The following GPR158 variants were observed in gnomAD, a reference collection of about 807,000 sequenced individuals.
GPR158 encodes the protein metabotropic glycine receptor.
Under a neutral mutation model 78.2 loss-of-function variants are expected in GPR158, and 30 were observed. The observed-to-expected ratio is 0.38, with a 90% CI of 0.29 to 0.52. The LOEUF (loss-of-function observed/expected upper bound fraction) is 0.52. Among genes scored for constraint, GPR158 ranks in the 20% least tolerant of loss-of-function variants. GPR158 has a pLI of 0.83. For synonymous variants in GPR158, 581 were observed against 591.1 expected (o/e 0.98, Z 0.25); for missense variants, 1,463 against 1,523.5 (o/e 0.96, Z 0.66).
chr10:25,394,068 C>T (rs1834337527), intron 2 of GPR158, among the ~76,000 whole-genome samples: 1 of 152,198 alleles, frequency 6.6e-6, no homozygotes, highest in South Asian at 2.1e-4. Context: ...AACTTCTGAT[C>T]TTTTCCCTAA....
At chr10:25,512,727 G>A (rs1836101709) in intron 5 of GPR158, among the ~76,000 whole-genome samples, 1 of 147,088 alleles carries the variant, frequency 6.8e-6, no homozygotes, top group Admixed American at 6.6e-5. Context: ...TTTGCTGAGA[G>A]TTTTAATCAT....
intron 2 of GPR158, among the ~76,000 whole-genome samples, chr10:25,251,161 G>T (rs1853791887): frequency 6.6e-6 from 1 of 151,934 alleles, no homozygotes; most frequent in Admixed American, 6.6e-5. Context: ...TTTTCCATTT[G>T]CTTGGTAGAT....
chr10:25,285,283 A>G lies in GPR158; in HGVS notation c.1008+64126A>G, dbSNP rs555762509. Among the ~76,000 whole-genome samples, 7 of 151,514 alleles carry G rather than the reference A, an allele frequency of 4.6e-5. No homozygotes were observed. The South Asian group carries it at 1.3e-3, about 27-fold the overall frequency. On this transcript the variant is annotated intron_variant, in intron 2 of 10. Transcript: ENST00000376351. ...TCTCTCTCTCTACACACACACACGT[A>G]TGCATTGATATGTATGTATGTATGT...
chr10:25,336,131 T>G (rs770489905), intron 2 of GPR158, among the ~76,000 whole-genome samples: 27 of 152,116 alleles, frequency 1.8e-4, no homozygotes, highest in Non-Finnish European at 3.5e-4. Flanking sequence ...GTGTATTTAG[T>G]TAAATACTTA....
intron 2 of GPR158, among the ~76,000 whole-genome samples, chr10:25,246,219 T>G (rs999525476): frequency 6.6e-6 from 1 of 152,200 alleles, no homozygotes; most frequent in African/African-American, 2.4e-5. Flanking sequence ...GAGCAAGTAG[T>G]AATGCCAAAT....
At chr10:25,535,853 C>T (rs1265773201) in intron 5 of GPR158, among the ~76,000 whole-genome samples, 1 of 152,178 alleles carries the variant, frequency 6.6e-6, no homozygotes, top group African/African-American at 2.4e-5. Context: ...TTTGAAGATA[C>T]ATTTAGAATA....
intron 7 of GPR158, among the ~76,000 whole-genome samples, chr10:25,584,042 T>C (rs1465377232): frequency 6.6e-6 from 1 of 152,238 alleles, no homozygotes; most frequent in Non-Finnish European, 1.5e-5. Flanking sequence ...CCTTATAGTA[T>C]ATTAATTTTT....
In GPR158 at chr10:25,547,574, C is replaced by T. The variant is rs140122642; in HGVS notation, c.1405-3402C>T. On this transcript the variant is annotated intron_variant, in intron 5 of 10. Transcript: ENST00000376351. ...GGATAATTTCACTTGTTTCCACTGC[C>T]AGTAATTTCCCTTTCCTCTGAAATC... 7.0e-4 allele frequency among the ~76,000 whole-genome samples: 107 copies of T among 152,222 alleles called. 2 individuals carry two copies. The East Asian group carries it at 0.018, about 26-fold the overall frequency.
chr10:25,570,919 T>A (rs902806656), intron 6 of GPR158, among the ~76,000 whole-genome samples: 1 of 151,850 alleles, frequency 6.6e-6, no homozygotes, highest in African/African-American at 2.4e-5. Flanking sequence ...GACTCCATCT[T>A]AAAAAAAATA....
At chr10:25,252,943 C>T (rs1269273380) in intron 2 of GPR158, among the ~76,000 whole-genome samples, 3 of 152,352 alleles carry the variant, frequency 2.0e-5, no homozygotes, top group African/African-American at 7.2e-5. Context: ...TGATCACAGA[C>T]TGCTGTGCTA....
intron 8 of GPR158, among the ~76,000 whole-genome samples, chr10:25,591,310 A>G (rs1775747422): frequency 6.6e-6 from 1 of 152,148 alleles, no homozygotes; most frequent in South Asian, 2.1e-4. Context: ...ACCTCACTTG[A>G]CATTTGATAA....
intron 2 of GPR158, among the ~76,000 whole-genome samples, chr10:25,289,229 T>C (rs752349316): frequency 3.9e-5 from 6 of 152,302 alleles, no homozygotes; most frequent in Middle Eastern, 6.8e-3. Context: ...AGGAGATAGC[T>C]ACTACTTTCC....
At chr10:25,571,821 G>GA (rs1024071108) in intron 6 of GPR158, among the ~76,000 whole-genome samples, 4 of 152,028 alleles carry the variant, frequency 2.6e-5, no homozygotes, top group South Asian at 2.1e-4. Flanking sequence ...GATATATACA[G>GA]AAAAAACTCT....
rs1426946442 is a variant in GPR158, at chr10:25,175,366, A to G, written c.-55A>G. ...GACTGTTGAGAAACTGACGATCCAA[A>G]TTTAAAAAGTGATTCCCCCCCCTCC... is the stretch of plus-strand genomic sequence containing the variant. On this transcript the variant is annotated 5_prime_UTR_variant, in exon 1 of 11. Coordinates refer to ENST00000376351, the MANE Select transcript of GPR158 (RefSeq NM_020752.3). This position sits in a 1 kb window ranked among gnomAD's most constrained non-coding sequence, Gnocchi z 6.4. The G allele has an allele frequency of 1.2e-5, 14 of 1,143,216 alleles. No homozygotes were observed. Among genetic ancestry groups the G allele is most frequent in the Non-Finnish European group, 1.6e-5 (13 of 797,628 alleles). 70.8% of individuals were successfully genotyped at this position (1,143,216 alleles called of 1,614,324 possible). A position where few individuals can be genotyped will look rare whatever the true frequency, so the allele number is the denominator to read the frequency against.
In GPR158 at chr10:25,539,570, G is replaced by A. The variant is rs565115086; in HGVS notation, c.1405-11406G>A. ...TCAGGTGTATTCTATGGGAATTTTG[G>A]AGAGGATGTATTGGGGTACAGCATA... On this transcript the variant is annotated intron_variant, in intron 5 of 10. Transcript: ENST00000376351. Among the ~76,000 whole-genome samples the A allele has an allele frequency of 7.5e-5, 11 of 146,206 alleles. No individual in the cohort carries two copies. The South Asian group carries it at 2.4e-3, about 32-fold the overall frequency.
intron 4 of GPR158, among the ~76,000 whole-genome samples, chr10:25,461,017 A>T (rs902899013): frequency 3.9e-5 from 6 of 152,328 alleles, no homozygotes; most frequent in African/African-American, 1.2e-4. Context: ...TAAGTGATCA[A>T]TGTTGAATGT....
chr10:25,282,133 C>G (rs946846067), intron 2 of GPR158, among the ~76,000 whole-genome samples: 23 of 152,164 alleles, frequency 1.5e-4, no homozygotes, highest in Non-Finnish European at 2.2e-4. Flanking sequence ...AAATCATCCA[C>G]TAGCCCTCAC....
chr10:25,387,044 C>T (rs1834230892), intron 2 of GPR158, among the ~76,000 whole-genome samples: 1 of 152,092 alleles, frequency 6.6e-6, no homozygotes, highest in Admixed American at 6.6e-5. Context: ...GGCTTTCACA[C>T]CTTGTACTTG....
chr10:25,465,581 A>G (rs556663789), intron 4 of GPR158, among the ~76,000 whole-genome samples: 80 of 152,232 alleles, frequency 5.3e-4, no homozygotes, highest in Non-Finnish European at 9.6e-4. Flanking sequence ...AATTTTGAGT[A>G]AAGAATAACA....
Sources: allele counts gnomAD v4.1 joint callset (sites outside exome capture counted in the v4.1 genomes callset), GRCh38; gene constraint gnomAD v4.1.1; non-coding constraint Gnocchi (gnomAD v3.1); transcripts MANE v1.5; gene names NCBI Gene and HGNC (gene_info 2026-07-23, HGNC 2026-07-21).